INVS: variants seen among roughly 807,000 people sequenced by gnomAD.
The protein encoded by INVS is inversin, also known as inversion of embryo turning homolog.
A neutral mutation model predicts 108.8 loss-of-function variants in INVS; 86 were observed. That is an observed-to-expected ratio of 0.79 (90% CI 0.66 to 0.95). The LOEUF (loss-of-function observed/expected upper bound fraction) is 0.95, where lower values mean the gene tolerates loss of function less well. Ranked by LOEUF, INVS falls within the 40% of genes least tolerant of loss-of-function variation. The pLI is 0.00. For missense variants in INVS, 1,169 were observed against 1,297.4 expected (o/e 0.90, Z 1.52); for synonymous variants, 455 against 473.5 (o/e 0.96, Z 0.51).
intron 10 of INVS, among the ~76,000 whole-genome samples, chr9:100,255,133 A>G (rs1348273328): frequency 5.9e-5 from 9 of 152,176 alleles, no homozygotes; most frequent in Non-Finnish European, 7.3e-5. Flanking sequence ...GGTCCTTCAC[A>G]TCCCTTGTAA....
rs534817199 is a variant in INVS, at chr9:100,203,442, A to G, written c.274-22620A>G. The stretch of plus-strand genomic sequence containing the variant: ...TGTGTTTCTTATAAAAAGAAATACA[A>G]ATTATAAAAGCTAAAATGAACCTTG... On this transcript the variant is annotated intron_variant, in intron 3 of 16. Transcript: ENST00000262457. Among the ~76,000 whole-genome samples, 102 of 151,826 alleles carry G rather than the reference A, an allele frequency of 6.7e-4. 4 individuals are homozygous for G. The South Asian group carries it at 0.02, about 30-fold the overall frequency.
rs758703044 is a variant in INVS, at chr9:100,300,661, A to C, written c.3185A>C (p.Lys1062Thr). 3.1e-6 allele frequency: 5 copies of C among 1,612,076 alleles called. No homozygotes were observed. In the South Asian group the frequency reaches 5.5e-5, roughly 18 times the overall value. Residue 1062 changes from lysine (K) to threonine (T), a missense_variant, in exon 17 of 17, where the codon AAA becomes ACA. Physicochemically the swap from Lys to Thr is moderately conservative, Grantham distance 78 (BLOSUM62 -1). Coordinates refer to ENST00000262457, the MANE Select transcript of INVS (RefSeq NM_014425.5). ...NLQSATQPKN[K>T]TKP ...CAATCAGCTACTCAGCCAAAAAACA[A>C]AACAAAACCTTGACTGCCTATGGAG...
Position 100,267,019 on chromosome 9 carries a change from T to TAAA in INVS, c.1571+2113_1571+2115dup, listed in dbSNP as rs11415703. ...CTGAAGATGTCTCCCTTTGAAACTC[T>TAAA]AAAAAAAAAAAAAAAAAAAAAAAAG... is the stretch of plus-strand genomic sequence containing the variant. On this transcript the variant is annotated intron_variant, in intron 11 of 16. Transcript: ENST00000262457. Among the ~76,000 whole-genome samples, 733 of 93,002 alleles carry TAAA rather than the reference T, an allele frequency of 7.9e-3. 10 individuals carry two copies. The highest frequency in any genetic ancestry group is 0.015 in the South Asian group (29 of 1,998). 61.0% of individuals were successfully genotyped at this position (93,002 alleles called of 152,430 possible).
chr9:100,293,418 CAT>C (rs928201851), intron 14 of INVS, among the ~76,000 whole-genome samples: 2 of 152,190 alleles, frequency 1.3e-5, no homozygotes, highest in African/African-American at 4.8e-5. Flanking sequence ...AATTGTTGCA[CAT>C]GTCCTGTTAA....
chr9:100,159,108 C>A (rs7041818), intron 3 of INVS, among the ~76,000 whole-genome samples: 31,958 of 152,096 alleles, frequency 0.21, 5,702 homozygotes, highest in African/African-American at 0.49. Flanking sequence ...ATAAATTGCC[C>A]AGCCTCCGGT....
chr9:100,156,242 C>T (rs1828974121), intron 3 of INVS, among the ~76,000 whole-genome samples: 2 of 150,434 alleles, frequency 1.3e-5, no homozygotes, highest in Admixed American at 1.3e-4. Context: ...GTTAAAACTC[C>T]ATGAGTTAGG....
At chr9:100,218,698 G>GA (rs1831059372) in intron 3 of INVS, among the ~76,000 whole-genome samples, 1 of 152,158 alleles carries the variant, frequency 6.6e-6, no homozygotes, top group African/African-American at 2.4e-5. Flanking sequence ...CAAAAGGCAA[G>GA]AAAATTCTTA....
chr9:100,274,218 C>T (rs1465051641), intron 12 of INVS, among the ~76,000 whole-genome samples: 2 of 151,968 alleles, frequency 1.3e-5, no homozygotes, highest in Admixed American at 6.6e-5. Flanking sequence ...ATTAGCTGGG[C>T]GTGGTGGTTA....
At position 100,229,739 on chromosome 9, in the gene INVS, G is replaced by A; in HGVS notation, c.527G>A (p.Gly176Glu). Residue 176 changes from glycine to glutamate, a missense_variant, in exon 5 of 17, where the codon GGG (glycine) becomes GAG (glutamate). Gly to Glu is a moderately conservative substitution (Grantham distance 98). This residue lies in a region of INVS where 365 missense variants were observed against 397.5 expected (regional missense o/e 0.92). Transcript: ENST00000262457. ...CTCATCAAGCATGATTCTAACATTG[G>A]GATTCCTGATGTTGAAGGCAAGATC... ...KLLIKHDSNIGIPDVEGKIPL... is the reference protein window; with the variant it reads ...KLLIKHDSNIEIPDVEGKIPL... 1 of 1,614,002 alleles carries A rather than the reference G, an allele frequency of 6.2e-7. No individual in the cohort carries two copies. Among genetic ancestry groups the A allele is most frequent in the Non-Finnish European group, 8.5e-7 (1 of 1,179,952 alleles).
intron 3 of INVS, among the ~76,000 whole-genome samples, chr9:100,219,714 A>G (rs769070957): frequency 1.3e-5 from 2 of 152,164 alleles, no homozygotes; most frequent in Non-Finnish European, 2.9e-5. Context: ...GAGAAGAATA[A>G]ATATATTATT....
chr9:100,160,031 A>G (rs187522568), intron 3 of INVS, among the ~76,000 whole-genome samples: 29 of 152,310 alleles, frequency 1.9e-4, no homozygotes, highest in African/African-American at 6.5e-4. Flanking sequence ...TTGCTGTAAA[A>G]TTATGAACAG....
chr9:100,201,523 A>G (rs1830531360), intron 3 of INVS, among the ~76,000 whole-genome samples: 1 of 152,244 alleles, frequency 6.6e-6, no homozygotes, highest in Admixed American at 6.5e-5. Flanking sequence ...GAATGATTTC[A>G]GAGATATCAG....
rs549782423 is a variant in INVS at position 100,233,015 on chromosome 9, TC to T, written c.615+3190del. On this transcript the variant is annotated intron_variant, in intron 5 of 16. Coordinates refer to ENST00000262457, the MANE Select transcript of INVS (RefSeq NM_014425.5). ...TGGAATGTTTTTCCATTTGTTTGTG[TC>T]CTCTCTTATGTCCTTGAACAGTGGT... is the stretch of plus-strand genomic sequence containing the variant. Among the ~76,000 whole-genome samples, 629 of 152,310 alleles carry T rather than the reference TC, an allele frequency of 4.1e-3. 2 individuals are homozygous for T. Among genetic ancestry groups the T allele is most frequent in the Middle Eastern group, 0.01 (3 of 294 alleles).
chr9:100,175,918 C>A (rs1249657865), intron 3 of INVS: 2 of 585,294 alleles, frequency 3.4e-6, no homozygotes, highest in African/African-American at 3.7e-5. Flanking sequence ...ATTCTTCTCT[C>A]AGTGACTTGG....
intron 12 of INVS, among the ~76,000 whole-genome samples, chr9:100,278,500 C>T (rs896563738): frequency 6.6e-6 from 1 of 152,128 alleles, no homozygotes; most frequent in African/African-American, 2.4e-5. Flanking sequence ...TTCCCTGACT[C>T]GATTGTCAGT....
At chr9:100,152,581 A>G (rs1276678172) in intron 3 of INVS, among the ~76,000 whole-genome samples, 2 of 152,182 alleles carry the variant, frequency 1.3e-5, no homozygotes, top group African/African-American at 4.8e-5. Context: ...CACCATTCCA[A>G]TTCTGATGGG....
intron 3 of INVS, among the ~76,000 whole-genome samples, chr9:100,136,997 G>A (rs909130367): frequency 2.0e-5 from 3 of 152,020 alleles, no homozygotes; most frequent in Admixed American, 1.3e-4. Context: ...CCGTGATCGC[G>A]CCACTGTACT....
At chr9:100,109,499 T>C (rs1827275012) in intron 2 of INVS, among the ~76,000 whole-genome samples, 1 of 152,210 alleles carries the variant, frequency 6.6e-6, no homozygotes, top group Non-Finnish European at 1.5e-5. Flanking sequence ...TTTGTAAATA[T>C]GCATGGTGTG....
intron 3 of INVS, among the ~76,000 whole-genome samples, chr9:100,183,926 T>C (rs1052768572): frequency 1.3e-5 from 2 of 151,964 alleles, no homozygotes; most frequent in Non-Finnish European, 2.9e-5. Context: ...TTATGGAATT[T>C]ATAGTAAATA....
Sources: allele counts gnomAD v4.1 joint callset (sites outside exome capture counted in the v4.1 genomes callset), GRCh38; gene constraint gnomAD v4.1.1; regional missense constraint gnomAD v4.1.1; transcripts MANE v1.5; gene names NCBI Gene and HGNC (gene_info 2026-07-23, HGNC 2026-07-21).